The following SYN3 variants were observed in gnomAD, a reference collection of about 807,000 sequenced individuals.
The protein encoded by SYN3 is synapsin III.
Under a neutral mutation model 65.8 loss-of-function variants are expected in SYN3, and 35 were observed. That is an observed-to-expected ratio of 0.53 (90% CI 0.41 to 0.70). The LOEUF (loss-of-function observed/expected upper bound fraction) is 0.70. Ranked by LOEUF, SYN3 falls within the 30% of genes least tolerant of loss-of-function variation. SYN3 has a pLI of 0.00. For synonymous variants in SYN3, 270 were observed against 292.9 expected (o/e 0.92, Z 0.80); for missense variants, 680 against 749.0 (o/e 0.91, Z 1.08).
chr22:32,744,708 G>A (rs555134883), intron 6 of SYN3, among the ~76,000 whole-genome samples: 7 of 152,118 alleles, frequency 4.6e-5, no homozygotes, highest in Non-Finnish European at 8.8e-5. Context: ...TCACTGTGTC[G>A]GTAAGGAGAC....
At chr22:32,940,012 T>C (rs1159548753) in intron 3 of SYN3, among the ~76,000 whole-genome samples, 1 of 152,230 alleles carries the variant, frequency 6.6e-6, no homozygotes, top group African/African-American at 2.4e-5. Flanking sequence ...TTTCAACACT[T>C]AGTATTGTCA....
At chr22:32,572,431 CT>C (rs2058785025) in intron 7 of SYN3, among the ~76,000 whole-genome samples, 1 of 117,176 alleles carries the variant, frequency 8.5e-6, no homozygotes, top group Non-Finnish European at 1.7e-5. Flanking sequence ...TTCTTCCTTC[CT>C]TCCTTCCCTC....
chr22:32,603,867 G>A (rs1163289738), intron 6 of SYN3, among the ~76,000 whole-genome samples: 1 of 152,262 alleles, frequency 6.6e-6, no homozygotes, highest in Admixed American at 6.5e-5. Flanking sequence ...GTGCAGCACT[G>A]CCCAGTGGCG....
intron 6 of SYN3, chr22:32,802,229 G>C (rs2046608299): frequency 2.1e-6 from 3 of 1,460,468 alleles, no homozygotes; most frequent in Non-Finnish European, 2.7e-6. Flanking sequence ...CCAGGAGAGG[G>C]GCAGACGGGG....
chr22:33,049,025 G>A (rs2054116691), intron 1 of SYN3, among the ~76,000 whole-genome samples: 1 of 152,090 alleles, frequency 6.6e-6, no homozygotes, highest in Admixed American at 6.5e-5. Context: ...GGATAGCACA[G>A]GGAATTACTA....
intron 3 of SYN3, among the ~76,000 whole-genome samples, chr22:32,958,685 A>G (rs1163514034): frequency 6.6e-6 from 1 of 152,166 alleles, no homozygotes. Flanking sequence ...ACCTGGTGAG[A>G]CAGGCCTTAT....
chr22:32,731,504 G>A (rs1247094274), intron 6 of SYN3, among the ~76,000 whole-genome samples: 7 of 152,162 alleles, frequency 4.6e-5, no homozygotes, highest in Admixed American at 4.6e-4. Context: ...CTTCATAAAA[G>A]CCTACGATCA....
intron 1 of SYN3, among the ~76,000 whole-genome samples, chr22:33,027,216 CAT>C (rs148826999): frequency 0.048 from 7,280 of 151,808 alleles, 187 homozygotes; most frequent in East Asian, 0.069. Context: ...TATCTATCTA[CAT>C]ATATATATAT....
intron 1 of SYN3, among the ~76,000 whole-genome samples, chr22:33,023,254 G>T (rs1244997067): frequency 3.3e-5 from 5 of 152,200 alleles, no homozygotes; most frequent in African/African-American, 9.6e-5. Context: ...TCATGGGAGG[G>T]ACCCAGTGGG....
intron 6 of SYN3, among the ~76,000 whole-genome samples, chr22:32,718,723 G>T (rs908203515): frequency 1.3e-5 from 2 of 151,480 alleles, no homozygotes; most frequent in African/African-American, 4.8e-5. Context: ...CAAGAGATAG[G>T]TTTAACATAA....
At chr22:32,988,950 C>G (rs1183837081) in intron 2 of SYN3, among the ~76,000 whole-genome samples, 1 of 152,130 alleles carries the variant, frequency 6.6e-6, no homozygotes, top group Admixed American at 6.5e-5. Flanking sequence ...GATTTTGGAC[C>G]AGCCTCTGCT....
chr22:33,016,352 A>G (rs2053467032), intron 1 of SYN3, among the ~76,000 whole-genome samples: 1 of 152,248 alleles, frequency 6.6e-6, no homozygotes, highest in Admixed American at 6.5e-5. Flanking sequence ...GGTGACAGGC[A>G]TTACATACAT....
At chr22:32,675,747 T>G (rs2060431481) in intron 6 of SYN3, among the ~76,000 whole-genome samples, 1 of 151,340 alleles carries the variant, frequency 6.6e-6, no homozygotes, top group African/African-American at 2.4e-5. Context: ...GTTGCCTGCT[T>G]TTGTTGTTTT....
intron 3 of SYN3, among the ~76,000 whole-genome samples, chr22:32,949,500 G>T (rs879185449): frequency 2.0e-5 from 3 of 151,978 alleles, no homozygotes; most frequent in African/African-American, 7.3e-5. Flanking sequence ...GCACCTGTTT[G>T]TAATTAAACT....
chr22:32,594,277 C>G (rs939355020), intron 7 of SYN3, among the ~76,000 whole-genome samples: 2 of 152,158 alleles, frequency 1.3e-5, no homozygotes, highest in South Asian at 2.1e-4. Context: ...AGTGGAAAAC[C>G]AGGCAGAACT....
intron 6 of SYN3, among the ~76,000 whole-genome samples, chr22:32,838,053 C>T (rs954469413): frequency 2.6e-5 from 4 of 152,176 alleles, no homozygotes; most frequent in African/African-American, 9.7e-5. Context: ...GCTGCATGCT[C>T]CTGTGGCTCC....
At chr22:32,794,092 G>C (rs561342311) in intron 6 of SYN3, among the ~76,000 whole-genome samples, 32 of 152,338 alleles carry the variant, frequency 2.1e-4, no homozygotes, top group African/African-American at 7.7e-4. Flanking sequence ...TTCAGGAAGA[G>C]AGGCTTTGGC....
At chr22:33,015,690 G>A (rs970121003) in intron 1 of SYN3, among the ~76,000 whole-genome samples, 1 of 152,094 alleles carries the variant, frequency 6.6e-6, no homozygotes, top group East Asian at 1.9e-4. Flanking sequence ...CTATACTACC[G>A]ATTATAAATT....
intron 1 of SYN3, among the ~76,000 whole-genome samples, chr22:33,007,940 ATT>A (rs133947): frequency 1.8e-3 from 264 of 146,322 alleles, no homozygotes; most frequent in Admixed American, 5.0e-3. Flanking sequence ...ATTATATACA[ATT>A]TTTTTTTTTT....
Sources: gnomAD v4.1 joint callset for allele counts (sites outside exome capture counted in the v4.1 genomes callset) on GRCh38, gnomAD v4.1.1 for gene constraint, MANE v1.5 for transcripts, NCBI Gene and HGNC (gene_info 2026-07-23, HGNC 2026-07-21) for gene names.